The following CALCR variants were observed in gnomAD, a reference collection of about 807,000 sequenced individuals.
CALCR encodes the protein calcitonin receptor.
CALCR carries 47 observed loss-of-function variants against 59.5 expected under a neutral mutation model. The ratio of observed to expected loss-of-function variants is 0.79; its 90% CI spans 0.63 to 1.01. The LOEUF is 1.01. CALCR is among the 50% of genes least tolerant of loss of function. The pLI is 0.00. For synonymous variants in CALCR, 213 were observed against 211.3 expected (o/e 1.01, Z -0.07); for missense variants, 566 against 597.1 (o/e 0.95, Z 0.54).
chr7:93,520,147 G>T (rs1191715788), intron 2 of CALCR, among the ~76,000 whole-genome samples: 1 of 151,740 alleles, frequency 6.6e-6, no homozygotes, highest in Non-Finnish European at 1.5e-5. Flanking sequence ...TTCTCAAGCA[G>T]AAATAATGGA....
chr7:93,563,196 T>A (rs1036371208), intron 2 of CALCR, among the ~76,000 whole-genome samples: 1 of 152,180 alleles, frequency 6.6e-6, no homozygotes, highest in African/African-American at 2.4e-5. Context: ...AGAGTTGCCA[T>A]GCTCCAAAAT....
At chr7:93,455,467 G>A (rs1800192021) in intron 8 of CALCR, among the ~76,000 whole-genome samples, 1 of 151,430 alleles carries the variant, frequency 6.6e-6, no homozygotes, top group South Asian at 2.1e-4. Flanking sequence ...CTTGGCTAGG[G>A]AGGACCTTAA....
chr7:93,491,453 A>G (rs1031454581), intron 2 of CALCR, among the ~76,000 whole-genome samples: 13 of 152,090 alleles, frequency 8.5e-5, no homozygotes, highest in African/African-American at 3.1e-4. Flanking sequence ...AGAAACTATC[A>G]TCAGAGTGAA....
intron 7 of CALCR, among the ~76,000 whole-genome samples, chr7:93,465,146 A>G (rs983082370): frequency 4.6e-5 from 7 of 151,998 alleles, no homozygotes; most frequent in African/African-American, 1.7e-4. Flanking sequence ...AATGCTAATG[A>G]ATGGTCTGTT....
chr7:93,568,652 T>C (rs541167752), intron 2 of CALCR, among the ~76,000 whole-genome samples: 1 of 151,994 alleles, frequency 6.6e-6, no homozygotes, highest in East Asian at 1.9e-4. Flanking sequence ...TCTAAGATGT[T>C]TTACTTTTCT....
intron 2 of CALCR, among the ~76,000 whole-genome samples, chr7:93,544,790 G>A (rs749123301): frequency 1.3e-5 from 2 of 152,134 alleles, no homozygotes; most frequent in Admixed American, 6.6e-5. Flanking sequence ...GCCAGGAGGA[G>A]CTTATGGCAA....
At chr7:93,503,407 A>AACACACAC (rs112593093) in intron 2 of CALCR, among the ~76,000 whole-genome samples, 45 of 150,850 alleles carry the variant, frequency 3.0e-4, no homozygotes, top group African/African-American at 1.1e-3. Context: ...AATAATTAGA[A>AACACACAC]ACACACACAC....
At position 93,563,426 on chromosome 7, in the gene CALCR, T is replaced by C. The variant is rs577960895; in HGVS notation, c.-27+10863A>G. 7.2e-5 allele frequency among the ~76,000 whole-genome samples: 11 copies of C among 152,278 alleles called. No homozygotes were observed. In the South Asian group the frequency reaches 2.3e-3, roughly 32 times the overall value. On this transcript the variant is annotated intron_variant, in intron 2 of 13. Coordinates refer to ENST00000426151, the MANE Select transcript of CALCR (RefSeq NM_001742.4). ...ATTTAGAGCCATGTTTTGCTAAGAG[T>C]TGTATTTTGCATTTTGTTAGTAGAA... is the stretch of plus-strand genomic sequence containing the variant.
intron 13 of CALCR, among the ~76,000 whole-genome samples, chr7:93,433,078 A>G (rs994638047): frequency 2.0e-5 from 3 of 152,208 alleles, no homozygotes; most frequent in Non-Finnish European, 4.4e-5. Context: ...AAGGAATAAA[A>G]TGTAATAACT....
At chr7:93,521,702 T>G (rs1004589203) in intron 2 of CALCR, among the ~76,000 whole-genome samples, 2 of 152,190 alleles carry the variant, frequency 1.3e-5, no homozygotes, top group African/African-American at 4.8e-5. Context: ...CATTCAGAAC[T>G]GTGCAGAATT....
At chr7:93,533,827 C>G (rs1409203059) in intron 2 of CALCR, among the ~76,000 whole-genome samples, 1 of 151,738 alleles carries the variant, frequency 6.6e-6, no homozygotes, top group Non-Finnish European at 1.5e-5. Context: ...CAGTTTTCTT[C>G]TGCTATAAAT....
chr7:93,483,744 G>C (rs1800859535), intron 3 of CALCR, among the ~76,000 whole-genome samples: 1 of 151,502 alleles, frequency 6.6e-6, no homozygotes, highest in African/African-American at 2.4e-5. Context: ...CTTATTATAA[G>C]TGTTATGTCT....
Position 93,426,205 on chromosome 7 carries a change from CTT to C in CALCR, c.*149_*150del, listed in dbSNP as rs1799521861. 1.7e-6 allele frequency: 1 copy of C among 594,576 alleles called. No homozygotes were observed. The highest frequency in any genetic ancestry group is 1.9e-5 in the African/African-American group (1 of 53,862). 36.8% of individuals were successfully genotyped at this position (594,576 alleles called of 1,614,324 possible). On this transcript the variant is annotated 3_prime_UTR_variant, in exon 14 of 14. Transcript: ENST00000426151. ...CCCAAAGCAACAGTACCAAGAATAA[CTT>C]TCTTCAGATTTACAATGGACAAATT...
chr7:93,473,220 G>A (rs1207997075), intron 5 of CALCR, among the ~76,000 whole-genome samples: 2 of 151,748 alleles, frequency 1.3e-5, no homozygotes, highest in African/African-American at 2.4e-5. Context: ...CTCCACCTTC[G>A]CTATGGGGGT....
At chr7:93,478,359 A>C (rs192976869) in intron 4 of CALCR, among the ~76,000 whole-genome samples, 70 of 152,008 alleles carry the variant, frequency 4.6e-4, no homozygotes, top group African/African-American at 1.4e-3. Flanking sequence ...GCAGTAACAG[A>C]GTATATTTTA....
At chr7:93,494,226 C>A (rs1801148441) in intron 2 of CALCR, among the ~76,000 whole-genome samples, 1 of 151,246 alleles carries the variant, frequency 6.6e-6, no homozygotes, top group South Asian at 2.1e-4. Context: ...TGGTACCATC[C>A]ATGTCATGTA....
intron 2 of CALCR, among the ~76,000 whole-genome samples, chr7:93,500,285 C>T (rs548502914): frequency 4.6e-4 from 70 of 151,890 alleles, no homozygotes; most frequent in Non-Finnish European, 8.4e-4. Flanking sequence ...ATAGTTCATC[C>T]TCTTGCCCAG....
At chr7:93,507,326 T>C (rs1241064053) in intron 2 of CALCR, among the ~76,000 whole-genome samples, 2 of 152,196 alleles carry the variant, frequency 1.3e-5, no homozygotes, top group East Asian at 3.9e-4. Context: ...TCAAGTGTTA[T>C]ATGTCAGTTA....
intron 8 of CALCR, among the ~76,000 whole-genome samples, chr7:93,460,564 A>AT: frequency 1.2e-5 from 1 of 85,388 alleles, no homozygotes; most frequent in African/African-American, 9.5e-5. Context: ...TAAAAAAAAA[A>AT]AAAAAAAAAT....
Sources: gnomAD v4.1 joint callset for allele counts (sites outside exome capture counted in the v4.1 genomes callset) on GRCh38, gnomAD v4.1.1 for gene constraint, MANE v1.5 for transcripts, NCBI Gene and HGNC (gene_info 2026-07-23, HGNC 2026-07-21) for gene names.